Variants in LIN9 observed in about 807,000 individuals in gnomAD.
LIN9 encodes protein lin-9 homolog.
A neutral mutation model predicts 78.0 loss-of-function variants in LIN9; 18 were observed. That is an observed-to-expected ratio of 0.23 (90% CI 0.16 to 0.34). The LOEUF (loss-of-function observed/expected upper bound fraction) is 0.34, where lower values mean the gene tolerates loss of function less well. Ranked by LOEUF, LIN9 falls within the 10% of genes least tolerant of loss-of-function variation. The probability of loss-of-function intolerance (pLI) is 1.00; values close to 1 mark genes in which losing one functional copy is unlikely to be tolerated. For synonymous variants in LIN9, 192 were observed against 215.2 expected, an observed-to-expected ratio of 0.89 and a Z score of 0.94; for missense variants, 451 against 644.1, an observed-to-expected ratio of 0.70 and a Z score of 3.25.
chr1:226,238,112 A>C (rs1657855606), intron 12 of LIN9, among the ~76,000 whole-genome samples: 1 of 152,220 alleles, frequency 6.6e-6, no homozygotes, highest in African/African-American at 2.4e-5. Flanking sequence ...AAACTGTTGA[A>C]CCACTCTCAT....
chr1:226,267,240 T>G (rs932808074), intron 8 of LIN9, among the ~76,000 whole-genome samples: 6 of 147,246 alleles, frequency 4.1e-5, no homozygotes, highest in African/African-American at 1.5e-4. Flanking sequence ...GATATATATA[T>G]ATATATATAT....
At chr1:226,299,289 A>C (rs892292398) in intron 2 of LIN9, among the ~76,000 whole-genome samples, 1 of 152,178 alleles carries the variant, frequency 6.6e-6, no homozygotes, top group African/African-American at 2.4e-5. Context: ...GGATCACCTG[A>C]GGTCAGGAGT....
chr1:226,280,607 T>C (rs905227655), intron 6 of LIN9, among the ~76,000 whole-genome samples: 2 of 152,094 alleles, frequency 1.3e-5, no homozygotes, highest in Non-Finnish European at 2.9e-5. Context: ...GAAACCCATC[T>C]CTACCAAAAA....
intron 10 of LIN9, among the ~76,000 whole-genome samples, chr1:226,257,368 T>C (rs949539584): frequency 1.3e-5 from 2 of 152,264 alleles, no homozygotes; most frequent in East Asian, 3.8e-4. Flanking sequence ...CAAACTTTTA[T>C]TTTCCTTATT....
chr1:226,240,270 C>T (rs914994252), intron 11 of LIN9, among the ~76,000 whole-genome samples: 1 of 152,082 alleles, frequency 6.6e-6, no homozygotes, highest in African/African-American at 2.4e-5. Flanking sequence ...TTTGGGATGG[C>T]GTCTTGCTAT....
chr1:226,309,270 C>T (rs1275568013), upstream of LIN9: 3 of 1,171,132 alleles, frequency 2.6e-6, no homozygotes. Flanking sequence ...GCTCCCGCCG[C>T]GGCTGGCTGA....
At chr1:226,298,057 G>A (rs1558206720) in intron 2 of LIN9, among the ~76,000 whole-genome samples, 1 of 152,110 alleles carries the variant, frequency 6.6e-6, no homozygotes, top group Non-Finnish European at 1.5e-5. Flanking sequence ...TGAAACATGT[G>A]CTTCTTTTTC....
chr1:226,250,981 T>A, intron 10 of LIN9, 62 bp from the exon 11 acceptor site: 1 of 795,550 alleles, frequency 1.3e-6, no homozygotes, highest in South Asian at 1.6e-5. Flanking sequence ...TGGTTAGACA[T>A]TAAATTTCCA....
At chr1:226,299,746 T>C (rs1662397841) in intron 2 of LIN9, among the ~76,000 whole-genome samples, 1 of 152,084 alleles carries the variant, frequency 6.6e-6, no homozygotes, top group Non-Finnish European at 1.5e-5. Flanking sequence ...TTTATTGACC[T>C]ACCAGAATCT....
intron 11 of LIN9, among the ~76,000 whole-genome samples, chr1:226,244,574 A>G (rs1658342280): frequency 6.6e-6 from 1 of 152,172 alleles, no homozygotes; most frequent in Non-Finnish European, 1.5e-5. Context: ...GTAATGAAAG[A>G]TTTTCTTGTG....
At chr1:226,296,606 A>G (rs909816373) in intron 3 of LIN9, among the ~76,000 whole-genome samples, 7 of 152,206 alleles carry the variant, frequency 4.6e-5, no homozygotes, top group African/African-American at 1.7e-4. Context: ...TAATATCCCG[A>G]TAAGACCTAC....
chr1:226,253,505 G>C (rs1053256693), intron 10 of LIN9, among the ~76,000 whole-genome samples: 1 of 151,204 alleles, frequency 6.6e-6, no homozygotes, highest in Admixed American at 6.6e-5. Flanking sequence ...TGTTGGCCAG[G>C]CTGGTCTTGA....
chr1:226,296,014 C>A, intron 3 of LIN9, 68 bp from the exon 4 acceptor site: 1 of 1,053,804 alleles, frequency 9.5e-7, no homozygotes, highest in Middle Eastern at 2.4e-4. Context: ...AAATACAATT[C>A]TATACTTGGA....
At chr1:226,274,159 A>C (rs1660485214) in intron 7 of LIN9, among the ~76,000 whole-genome samples, 1 of 152,204 alleles carries the variant, frequency 6.6e-6, no homozygotes, top group Admixed American at 6.5e-5. Flanking sequence ...CTAAATTAAT[A>C]CTGTGTGTTC....
chr1:226,309,148 A>AGCCGC lies in LIN9; in HGVS notation c.-14_-10dup. ...TGGTCGAGCTCCGCCATCTTGAACG[A>AGCCGC]GCCGCGCCGCTTTTTCAAAGGCTGC... On this transcript the variant is annotated 5_prime_UTR_variant, in exon 1 of 15. Coordinates refer to ENST00000681046, the MANE Select transcript of LIN9 (RefSeq NM_001366245.2). 1 of 1,375,324 alleles carries AGCCGC rather than the reference A, an allele frequency of 7.3e-7. No individual in the cohort carries two copies. Among genetic ancestry groups the AGCCGC allele is most frequent in the Non-Finnish European group, 9.5e-7 (1 of 1,051,374 alleles). 85.2% of individuals were successfully genotyped at this position (1,375,324 alleles called of 1,614,324 possible). A position where few individuals can be genotyped will look rare whatever the true frequency, so the allele number is the denominator to read the frequency against.
chr1:226,236,426 A>G (rs1169399570), intron 12 of LIN9, among the ~76,000 whole-genome samples: 3 of 151,868 alleles, frequency 2.0e-5, no homozygotes, highest in Non-Finnish European at 4.4e-5. Flanking sequence ...CATACATTAT[A>G]TATTCTCTTG....
intron 6 of LIN9, among the ~76,000 whole-genome samples, chr1:226,279,239 G>C (rs1434571269): frequency 1.3e-5 from 2 of 152,022 alleles, no homozygotes; most frequent in Non-Finnish European, 2.9e-5. Context: ...GTCCGAGGTG[G>C]AAGAATTGCT....
intron 6 of LIN9, among the ~76,000 whole-genome samples, chr1:226,278,970 A>C (rs962533446): frequency 6.6e-5 from 10 of 151,426 alleles, no homozygotes; most frequent in African/African-American, 1.9e-4. Flanking sequence ...AAAAAAAAAA[A>C]AAACCAAAAA....
At chr1:226,309,413 C>G, upstream of LIN9, 25 of 995,824 alleles carry the variant, frequency 2.5e-5, no homozygotes, top group Non-Finnish European at 3.0e-5. Flanking sequence ...ACGGCGAGGC[C>G]CGGCGCCGGA....
Sources: gnomAD v4.1 joint callset for allele counts (sites outside exome capture counted in the v4.1 genomes callset) on GRCh38, gnomAD v4.1.1 for gene constraint, MANE v1.5 for transcripts, NCBI Gene and HGNC (gene_info 2026-07-23, HGNC 2026-07-21) for gene names.